RBFOX1: variants seen among roughly 807,000 people sequenced by gnomAD.
RBFOX1 encodes RNA binding fox-1 homolog 1.
In RBFOX1, 8 loss-of-function variants were observed where a neutral mutation model predicts 57.7. The observed-to-expected ratio is 0.14, with a 90% CI of 0.08 to 0.25. The LOEUF (loss-of-function observed/expected upper bound fraction) is 0.25, where lower values mean the gene tolerates loss of function less well. Among genes scored for constraint, RBFOX1 ranks in the 10% least tolerant of loss-of-function variants. The pLI, the probability that RBFOX1 is intolerant of heterozygous loss-of-function variation, is 1.00. For missense variants in RBFOX1, 611 were observed against 548.5 expected, an observed-to-expected ratio of 1.11 and a Z score of -1.14; for synonymous variants, 326 against 222.4, an observed-to-expected ratio of 1.47 and a Z score of -4.15.
intron 2 of RBFOX1, among the ~76,000 whole-genome samples, chr16:6,562,308 G>T (rs964257618): frequency 6.6e-6 from 1 of 152,208 alleles, no homozygotes; most frequent in African/African-American, 2.4e-5. Flanking sequence ...GTACAGAACA[G>T]TCATTGTACA....
At chr16:6,214,935 G>A (rs1435390792) in intron 1 of RBFOX1, among the ~76,000 whole-genome samples, 4 of 119,698 alleles carry the variant, frequency 3.3e-5, no homozygotes, top group South Asian at 3.2e-4. Flanking sequence ...AGAGGGAGAG[G>A]GACAGGGAGA....
intron 3 of RBFOX1, among the ~76,000 whole-genome samples, chr16:6,864,427 C>T (rs535329389): frequency 6.6e-6 from 1 of 151,876 alleles, no homozygotes; most frequent in Non-Finnish European, 1.5e-5. Flanking sequence ...AAATCACCAA[C>T]AATTCAGAAA....
chr16:6,659,170 T>C (rs2154096193), intron 3 of RBFOX1, among the ~76,000 whole-genome samples: 1 of 152,150 alleles, frequency 6.6e-6, no homozygotes, highest in African/African-American at 2.4e-5. Flanking sequence ...AAGACTGAGA[T>C]TCAGGTGATG....
At chr16:6,105,976 T>G (rs1291445575) in intron 1 of RBFOX1, among the ~76,000 whole-genome samples, 1 of 152,124 alleles carries the variant, frequency 6.6e-6, no homozygotes, top group East Asian at 1.9e-4. Flanking sequence ...CCCCAGCTCT[T>G]TACACTAATA....
intron 3 of RBFOX1, among the ~76,000 whole-genome samples, chr16:6,852,817 A>T (rs1363861597): frequency 6.7e-6 from 1 of 149,672 alleles, no homozygotes; most frequent in Non-Finnish European, 1.5e-5. Context: ...TGAGATGCAT[A>T]CTGGAAACTG....
chr16:5,536,178 T>G (rs1005587270), intron 2 of RBFOX1, among the ~76,000 whole-genome samples: 4 of 150,784 alleles, frequency 2.7e-5, no homozygotes, highest in African/African-American at 9.7e-5. Context: ...CTTATGAGTG[T>G]TATGAAAACA....
intron 3 of RBFOX1, among the ~76,000 whole-genome samples, chr16:6,750,591 C>T (rs1449678772): frequency 1.3e-5 from 2 of 152,178 alleles, no homozygotes; most frequent in Admixed American, 6.5e-5. Context: ...ATGCCTTGTT[C>T]ATCACCATCA....
At chr16:7,280,175 T>C (rs943379595) in intron 4 of RBFOX1, among the ~76,000 whole-genome samples, 38 of 152,230 alleles carry the variant, frequency 2.5e-4, no homozygotes, top group Non-Finnish European at 4.7e-4. Context: ...GAAAACACGA[T>C]GTACACCTTG....
intron 1 of RBFOX1, among the ~76,000 whole-genome samples, chr16:5,376,351 G>T (rs1179960298): frequency 6.6e-6 from 1 of 152,028 alleles, no homozygotes; most frequent in Admixed American, 6.5e-5. Context: ...GTGGTTGTTT[G>T]TTGGGACAGG....
intron 2 of RBFOX1, among the ~76,000 whole-genome samples, chr16:6,387,321 A>G (rs942135727): frequency 1.3e-5 from 2 of 152,078 alleles, no homozygotes; most frequent in African/African-American, 4.8e-5. Context: ...CTATTTTGGA[A>G]TCCACTCAGA....
At chr16:6,918,062 G>C (rs1038361573) in intron 3 of RBFOX1, among the ~76,000 whole-genome samples, 5 of 152,134 alleles carry the variant, frequency 3.3e-5, no homozygotes, top group Non-Finnish European at 7.4e-5. Context: ...CGAGGCGGGT[G>C]GATCGCTTGA....
chr16:6,432,369 A>G (rs888949283), intron 2 of RBFOX1, among the ~76,000 whole-genome samples: 5 of 152,110 alleles, frequency 3.3e-5, no homozygotes, highest in African/African-American at 1.2e-4. Context: ...CAAAATCTTC[A>G]ATAAGAATAA....
intron 2 of RBFOX1, among the ~76,000 whole-genome samples, chr16:6,492,308 C>T (rs533874362): frequency 3.0e-4 from 45 of 152,266 alleles, no homozygotes; most frequent in African/African-American, 9.4e-4. Context: ...CGATGGCCCA[C>T]GCCTGTAATC....
chr16:5,815,562 C>T (rs1026081077), intron 3 of RBFOX1, among the ~76,000 whole-genome samples: 1 of 152,170 alleles, frequency 6.6e-6, no homozygotes, highest in African/African-American at 2.4e-5. Context: ...ATCTCCTTCT[C>T]TCCAGAGGAG....
At chr16:7,360,408 G>T (rs533274545) in intron 4 of RBFOX1, among the ~76,000 whole-genome samples, 104 of 152,292 alleles carry the variant, frequency 6.8e-4, no homozygotes, top group African/African-American at 2.3e-3. Context: ...CAGTGTGCCT[G>T]TATGTATGAT....
intron 2 of RBFOX1, among the ~76,000 whole-genome samples, chr16:6,336,081 A>G (rs963415361): frequency 6.9e-6 from 1 of 144,528 alleles, no homozygotes; most frequent in African/African-American, 2.5e-5. Flanking sequence ...GGTAAATGGA[A>G]CAACAAATGG....
intron 4 of RBFOX1, among the ~76,000 whole-genome samples, chr16:7,421,485 C>A (rs1171467616): frequency 6.6e-6 from 1 of 152,196 alleles, no homozygotes. Context: ...TTAGCTTTGG[C>A]AATAGTGACA....
chr16:7,086,010 G>C (rs2059930964), intron 4 of RBFOX1, among the ~76,000 whole-genome samples: 2 of 152,136 alleles, frequency 1.3e-5, no homozygotes, highest in Non-Finnish European at 2.9e-5. Flanking sequence ...GGGCTGTGTT[G>C]TTATTTTCTT....
intron 4 of RBFOX1, among the ~76,000 whole-genome samples, chr16:7,073,656 C>G (rs372225544): frequency 1.3e-5 from 2 of 151,958 alleles, no homozygotes; most frequent in South Asian, 4.2e-4. Context: ...CCGGCCTGGG[C>G]ACCATGGCAA....
Sources: gnomAD v4.1 joint callset for allele counts (sites outside exome capture counted in the v4.1 genomes callset) on GRCh38, gnomAD v4.1.1 for gene constraint, MANE v1.5 for transcripts, NCBI Gene and HGNC (gene_info 2026-07-23, HGNC 2026-07-21) for gene names.